The following TRAF5 variants were observed in gnomAD, a reference collection of about 807,000 sequenced individuals.
The protein encoded by TRAF5 is TNF receptor associated factor 5, also known as TNF receptor-associated factor 5.
A neutral mutation model predicts 64.5 loss-of-function variants in TRAF5; 48 were observed. The observed-to-expected ratio is 0.74, with a 90% confidence interval of 0.59 to 0.95. The LOEUF is 0.95. TRAF5 is among the 40% of genes least tolerant of loss of function. The probability of loss-of-function intolerance (pLI) is 0.00; values close to 1 mark genes in which losing one functional copy is unlikely to be tolerated. For missense variants in TRAF5, 545 were observed against 662.8 expected (o/e 0.82, Z 1.95); for synonymous variants, 206 against 240.5 (o/e 0.86, Z 1.33).
At chr1:211,372,003 G>C in intron 10 of TRAF5, 125 bp from the exon 11 acceptor site, 3 of 817,158 alleles carry the variant, frequency 3.7e-6, no homozygotes, top group South Asian at 1.8e-5. Flanking sequence ...AATGAATTCA[G>C]CTCATCTTTA....
rs753842631 is a variant in TRAF5 at position 211,351,269 on chromosome 1, G to A, written c.-1-1970G>A. 5.9e-5 allele frequency among the ~76,000 whole-genome samples: 9 copies of A among 151,650 alleles called. No homozygotes were observed. The East Asian group carries it at 1.4e-3, about 23-fold the overall frequency. On this transcript the variant is annotated intron_variant, in intron 1 of 10. Transcript: ENST00000261464. The stretch of plus-strand genomic sequence containing the variant: ...TCTCTATCTCCTGACCTCATGATCC[G>A]CCTGCCTCAGCCTCCTAAAGTGCTG...
intron 6 of TRAF5, 132 bp from the exon 7 acceptor site, chr1:211,360,956 T>C: frequency 9.7e-7 from 1 of 1,027,444 alleles, no homozygotes; most frequent in South Asian, 1.4e-5. Context: ...ACTTTCATCA[T>C]AGCTCTTTCT....
intron 3 of TRAF5, among the ~76,000 whole-genome samples, chr1:211,355,429 C>G (rs1006778518): frequency 6.6e-6 from 1 of 152,096 alleles, no homozygotes; most frequent in Non-Finnish European, 1.5e-5. Flanking sequence ...AAGACTTTCT[C>G]CCTTAAAACT....
At chr1:211,361,642 T>C (rs1367910782) in intron 7 of TRAF5, among the ~76,000 whole-genome samples, 1 of 151,240 alleles carries the variant, frequency 6.6e-6, no homozygotes, top group South Asian at 2.1e-4. Context: ...TTGGGCACCA[T>C]AGCCTAGCCA....
intron 1 of TRAF5, among the ~76,000 whole-genome samples, chr1:211,336,192 C>A (rs1238226291): frequency 6.6e-6 from 1 of 152,202 alleles, no homozygotes; most frequent in African/African-American, 2.4e-5. Context: ...GCACCTTGTA[C>A]AATGCCTGGC....
intron 1 of TRAF5, among the ~76,000 whole-genome samples, chr1:211,348,272 A>G (rs537517545): frequency 6.6e-6 from 1 of 152,310 alleles, no homozygotes; most frequent in East Asian, 1.9e-4. Flanking sequence ...TTTGTTTTGG[A>G]AAATGGTTAT....
At chr1:211,338,835 G>A (rs1205707581) in intron 1 of TRAF5, among the ~76,000 whole-genome samples, 1 of 152,140 alleles carries the variant, frequency 6.6e-6, no homozygotes, top group Admixed American at 6.5e-5. Flanking sequence ...ATGTTGCCCA[G>A]GTTGGTCTCG....
intron 4 of TRAF5, 79 bp from the exon 5 acceptor site, chr1:211,359,833 C>G (rs1362897454): frequency 6.4e-7 from 1 of 1,571,606 alleles, no homozygotes. Context: ...GTTCTCTCTC[C>G]CTCCCTAGGC....
At chr1:211,360,138 G>A (rs1340469977) in intron 5 of TRAF5, 62 bp downstream of exon 5, 1 of 1,478,438 alleles carries the variant, frequency 6.8e-7, no homozygotes, top group Non-Finnish European at 9.4e-7. Flanking sequence ...AGTGGTCACA[G>A]TGAATCAGGT....
At chr1:211,347,876 G>A (rs1430153924) in intron 1 of TRAF5, among the ~76,000 whole-genome samples, 1 of 152,226 alleles carries the variant, frequency 6.6e-6, no homozygotes. Flanking sequence ...CCCAGTTCCA[G>A]TTCAGTGACC....
chr1:211,346,741 G>A (rs1408594445), intron 1 of TRAF5, among the ~76,000 whole-genome samples: 1 of 152,118 alleles, frequency 6.6e-6, no homozygotes, highest in Non-Finnish European at 1.5e-5. Flanking sequence ...CTAAGCTCAC[G>A]TTGCTTCAGA....
At chr1:211,370,779 T>C (rs1703496338) in intron 9 of TRAF5, among the ~76,000 whole-genome samples, 1 of 152,004 alleles carries the variant, frequency 6.6e-6, no homozygotes, top group Non-Finnish European at 1.5e-5. Context: ...TGTACACACA[T>C]AGGAAAAGGG....
rs778484469 is a variant in TRAF5 at position 211,354,429 on chromosome 1, A to G, written c.238A>G (p.Ile80Val). ...CTCCAGAGAATTAAACACAGTGCCA[A>G]TCTGCCCTGTAGATAAAGAGGTCAT... ...LSLRELNTVP[I>V]CPVDKEVIKS... is the part of the protein sequence containing the mutation. Residue 80 changes from isoleucine to valine, a missense_variant, in exon 3 of 11, where the codon ATC becomes GTC. Ile to Val is a conservative substitution (Grantham distance 29, BLOSUM62 3). Coordinates refer to ENST00000261464, the MANE Select transcript of TRAF5 (RefSeq NM_001033910.3). 8 of 1,614,084 alleles carry G rather than the reference A, an allele frequency of 5.0e-6. No homozygotes were observed. The African/African-American group carries it at 1.1e-4, about 22-fold the overall frequency.
chr1:211,353,756 TCA>T, intron 2 of TRAF5: 1 of 428,430 alleles, frequency 2.3e-6, no homozygotes, highest in East Asian at 4.9e-5. Context: ...GGCTTGAATC[TCA>T]CAATGTCTGT....
intron 1 of TRAF5, among the ~76,000 whole-genome samples, chr1:211,350,206 T>C (rs1702741365): frequency 6.6e-6 from 1 of 151,956 alleles, no homozygotes; most frequent in African/African-American, 2.4e-5. Flanking sequence ...CCAGGCTTTT[T>C]TTTTTTTCTT....
chr1:211,356,697 T>G, intron 4 of TRAF5: 1 of 458,120 alleles, frequency 2.2e-6, no homozygotes, highest in Non-Finnish European at 4.0e-6. Flanking sequence ...ACATCTTGTA[T>G]CCACTAGACC....
At chr1:211,365,319 C>A (rs1267486405) in intron 7 of TRAF5, 57 bp from the exon 8 acceptor site, 1 of 1,412,798 alleles carries the variant, frequency 7.1e-7, no homozygotes, top group Non-Finnish European at 9.9e-7. Flanking sequence ...ATCCTACCAC[C>A]TCTTTCATTT....
At chr1:211,362,703 CCAA>C (rs947954942) in intron 7 of TRAF5, among the ~76,000 whole-genome samples, 2 of 151,924 alleles carry the variant, frequency 1.3e-5, no homozygotes, top group Non-Finnish European at 2.9e-5. Flanking sequence ...AAAAACCCCC[CCAA>C]CAACAACAAA....
chr1:211,333,167 C>T (rs1702199888), intron 1 of TRAF5, among the ~76,000 whole-genome samples: 1 of 152,026 alleles, frequency 6.6e-6, no homozygotes, highest in African/African-American at 2.4e-5. Context: ...TAGCTCTAGG[C>T]CCTTCTTTTT....
Sources: gnomAD v4.1 joint callset for allele counts (sites outside exome capture counted in the v4.1 genomes callset) on GRCh38, gnomAD v4.1.1 for gene constraint, MANE v1.5 for transcripts, NCBI Gene and HGNC (gene_info 2026-07-23, HGNC 2026-07-21) for gene names.